Variants in CGNL1 observed in about 807,000 individuals in gnomAD.
CGNL1 encodes cingulin-like protein 1.
A neutral mutation model predicts 141.2 loss-of-function variants in CGNL1; 132 were observed. The observed-to-expected ratio is 0.93, with a 90% confidence interval of 0.81 to 1.08. The LOEUF (loss-of-function observed/expected upper bound fraction) is 1.08. CGNL1 is among the 50% of genes least tolerant of loss of function. The pLI is 0.00. For missense variants in CGNL1, 1,870 were observed against 1,588.6 expected, an observed-to-expected ratio of 1.18 and a Z score of -3.01; for synonymous variants, 690 against 622.1, an observed-to-expected ratio of 1.11 and a Z score of -1.63.
chr15:57,492,799 G>T (rs1426558701), intron 8 of CGNL1, among the ~76,000 whole-genome samples: 1 of 152,154 alleles, frequency 6.6e-6, no homozygotes, highest in Non-Finnish European at 1.5e-5. Context: ...CTGGGGACCT[G>T]GGGACCCATG....
At chr15:57,481,063 G>GTT (rs1567144577) in intron 8 of CGNL1, among the ~76,000 whole-genome samples, 4 of 105,102 alleles carry the variant, frequency 3.8e-5, no homozygotes, top group African/African-American at 1.4e-4. Flanking sequence ...AAAGACCTGG[G>GTT]GTTTTTTTTT....
chr15:57,461,352 A>C (rs1217222509), intron 7 of CGNL1, among the ~76,000 whole-genome samples: 1 of 152,202 alleles, frequency 6.6e-6, no homozygotes, highest in Non-Finnish European at 1.5e-5. Flanking sequence ...AGCAAGGGCA[A>C]CAGATCACTG....
intron 1 of CGNL1, among the ~76,000 whole-genome samples, chr15:57,413,266 C>T (rs1262252345): frequency 6.8e-6 from 1 of 147,496 alleles, no homozygotes; most frequent in Non-Finnish European, 1.5e-5. Context: ...TCCATTCCTC[C>T]TTCCCTCCTT....
At chr15:57,508,773 C>T (rs2029957121) in intron 8 of CGNL1, among the ~76,000 whole-genome samples, 1 of 152,252 alleles carries the variant, frequency 6.6e-6, no homozygotes, top group Non-Finnish European at 1.5e-5. Context: ...GGGGTATCCA[C>T]AGACCTGCAT....
At chr15:57,394,335 G>A (rs978562053) in intron 1 of CGNL1, among the ~76,000 whole-genome samples, 1 of 151,988 alleles carries the variant, frequency 6.6e-6, no homozygotes, top group African/African-American at 2.4e-5. Flanking sequence ...ATGTTGGTCA[G>A]GCTGCTCTCG....
intron 4 of CGNL1, among the ~76,000 whole-genome samples, chr15:57,450,910 G>A (rs1432568079): frequency 6.6e-6 from 1 of 152,182 alleles, no homozygotes; most frequent in Non-Finnish European, 1.5e-5. Context: ...ATACAGAGGT[G>A]CATAAAACCT....
At position 57,523,657 on chromosome 15, in the gene CGNL1, A is replaced by G. The variant is rs1431712706; in HGVS notation, c.2868+16A>G. On this transcript the variant is annotated intron_variant, in intron 11 of 18. Coordinates refer to ENST00000281282, the MANE Select transcript of CGNL1 (RefSeq NM_032866.5). Reference sequence around the variant, plus strand: ...GCAGAAGGAGGTGAGGGGCTGGAGGAGGAAAGAGGAAGTAGGGCCAGATGT... The same window carrying G: ...GCAGAAGGAGGTGAGGGGCTGGAGGGGGAAAGAGGAAGTAGGGCCAGATGT... 1 of 1,613,310 alleles carries G rather than the reference A, an allele frequency of 6.2e-7. No individual in the cohort carries two copies. The highest frequency in any genetic ancestry group is 1.7e-5 in the Admixed American group (1 of 59,998).
In CGNL1 at chr15:57,442,416, G is replaced by A. The variant is rs1239030918; in HGVS notation, c.1741G>A (p.Val581Ile). 3.7e-6 allele frequency: 6 copies of A among 1,613,608 alleles called. No individual in the cohort carries two copies. The highest frequency in any genetic ancestry group is 5.1e-6 in the Non-Finnish European group (6 of 1,179,770). ...DDATKRKVNL[V>I]FEKIQTLKSR... ...TGCTACTAAAAGGAAAGTCAACTTG[G>A]TCTTTGAGAAAATCCAGACCTTAAA... is the stretch of plus-strand genomic sequence containing the variant. The change falls in exon 4 of 19, where the codon GTC (valine) becomes ATC (isoleucine). Residue 581 changes from valine to isoleucine, a missense_variant. By Grantham distance (29) the Val-to-Ile change is conservative (BLOSUM62 3). Transcript: ENST00000281282.
chr15:57,442,433 G>A lies in CGNL1; in HGVS notation c.1758G>A (p.Gln586=), dbSNP rs756755183. The A allele has an allele frequency of 2.5e-6, 4 of 1,613,720 alleles. No individual in the cohort carries two copies. Among genetic ancestry groups the A allele is most frequent in the Non-Finnish European group, 3.4e-6 (4 of 1,179,746 alleles). Reference sequence around the variant, plus strand: ...TCAACTTGGTCTTTGAGAAAATCCAGACCTTAAAGTCTCGAGCAGCTGGGA... The same window carrying A: ...TCAACTTGGTCTTTGAGAAAATCCAAACCTTAAAGTCTCGAGCAGCTGGGA... The part of the protein sequence containing the change: ...RKVNLVFEKI[Q]TLKSRAAGSA... The change falls in exon 4 of 19, where the codon CAG becomes CAA. Residue 586 remains glutamine, a synonymous_variant. Transcript: ENST00000281282.
rs2032976004 is a variant in CGNL1, at chr15:57,548,373, A to T, written c.*883A>T. ...GAGGAGCAGAGGTGAGAAGAGAGAG[A>T]GAGAGAGAAAGTCAAATAAAGTCAA... is the stretch of plus-strand genomic sequence containing the variant. On this transcript the variant is annotated 3_prime_UTR_variant, in exon 19 of 19. Transcript: ENST00000281282. 6.6e-6 allele frequency: 1 copy of T among 152,234 alleles called. No individual in the cohort carries two copies. Among genetic ancestry groups the T allele is most frequent in the Admixed American group, 6.5e-5 (1 of 15,284 alleles). The allele number at this position is 152,234 out of a possible 1,614,324, so 9.4% of individuals were successfully genotyped here.
chr15:57,501,469 G>C (rs1462310301), intron 8 of CGNL1, among the ~76,000 whole-genome samples: 1 of 152,178 alleles, frequency 6.6e-6, no homozygotes, highest in African/African-American at 2.4e-5. Flanking sequence ...GTCCTCAGGG[G>C]GTGCAACCAG....
At chr15:57,389,580 G>T (rs1268375057) in intron 1 of CGNL1, among the ~76,000 whole-genome samples, 1 of 152,102 alleles carries the variant, frequency 6.6e-6, no homozygotes, top group Non-Finnish European at 1.5e-5. Context: ...TTACCTTTGT[G>T]TTTTTCTTTT....
chr15:57,450,479 G>A (rs1262597194), intron 4 of CGNL1, among the ~76,000 whole-genome samples: 5 of 152,182 alleles, frequency 3.3e-5, no homozygotes, highest in Non-Finnish European at 7.3e-5. Context: ...GTTTCACCAC[G>A]TTGGCCAGGC....
chr15:57,527,123 G>A (rs1465577379), intron 12 of CGNL1: 1 of 152,084 alleles, frequency 6.6e-6, no homozygotes, highest in Non-Finnish European at 1.5e-5. Flanking sequence ...TCCCATCACT[G>A]TTTTCCATGG....
In CGNL1 at chr15:57,502,525, T is replaced by C. The variant is rs117018118; in HGVS notation, c.2404-14255T>C. Among the ~76,000 whole-genome samples the C allele has an allele frequency of 4.6e-5, 7 of 152,300 alleles. No homozygotes were observed. In the East Asian group the frequency reaches 1.3e-3, roughly 29 times the overall value. On this transcript the variant is annotated intron_variant, in intron 8 of 18. Transcript: ENST00000281282. ...TGACTTTATGAATGGGTAAGATGAATGAAATACAGGCCTGTTTTAATTTAT... is the reference window on the plus strand; with the variant it reads ...TGACTTTATGAATGGGTAAGATGAACGAAATACAGGCCTGTTTTAATTTAT...
intron 13 of CGNL1, among the ~76,000 whole-genome samples, chr15:57,529,576 A>ACG (rs1190526927): frequency 5.1e-4 from 76 of 148,602 alleles, no homozygotes; most frequent in African/African-American, 1.7e-3. Flanking sequence ...ACACACACAC[A>ACG]CACACACACA....
intron 7 of CGNL1, among the ~76,000 whole-genome samples, chr15:57,456,456 TC>T (rs1321648496): frequency 6.6e-6 from 1 of 151,928 alleles, no homozygotes; most frequent in African/African-American, 2.4e-5. Flanking sequence ...GAGCAGCCAT[TC>T]TTTTGTTTCT....
chr15:57,475,528 TG>T (rs2063643703), intron 8 of CGNL1, among the ~76,000 whole-genome samples: 1 of 140,664 alleles, frequency 7.1e-6, no homozygotes, highest in Admixed American at 7.2e-5. Flanking sequence ...TGTGTGTGTG[TG>T]TGTGTGTTTT....
At chr15:57,543,364 C>T (rs546339782) in intron 14 of CGNL1, among the ~76,000 whole-genome samples, 3 of 152,148 alleles carry the variant, frequency 2.0e-5, no homozygotes, top group Non-Finnish European at 4.4e-5. Flanking sequence ...TTGATTACCT[C>T]TCTAAAGTCC....
Sources: gnomAD v4.1 joint callset for allele counts (sites outside exome capture counted in the v4.1 genomes callset) on GRCh38, gnomAD v4.1.1 for gene constraint, MANE v1.5 for transcripts, NCBI Gene and HGNC (gene_info 2026-07-23, HGNC 2026-07-21) for gene names.